The following EMSY variants were observed in gnomAD, a reference collection of about 807,000 sequenced individuals.
EMSY encodes EMSY transcriptional repressor, BRCA2 interacting, also known as BRCA2-interacting transcriptional repressor EMSY.
Under a neutral mutation model 134.6 loss-of-function variants are expected in EMSY, and 26 were observed. That is an observed-to-expected ratio of 0.19 (90% confidence interval 0.14 to 0.27). The LOEUF is 0.27. Among genes scored for constraint, EMSY ranks in the 10% least tolerant of loss-of-function variants. The pLI is 1.00. For missense variants in EMSY, 1,305 were observed against 1,611.4 expected, an observed-to-expected ratio of 0.81 and a Z score of 3.26; for synonymous variants, 579 against 577.8, an observed-to-expected ratio of 1.00 and a Z score of -0.03.
chr11:76,506,865 T>A (rs976586307), intron 9 of EMSY, among the ~76,000 whole-genome samples: 1 of 152,168 alleles, frequency 6.6e-6, no homozygotes, highest in African/African-American at 2.4e-5. Flanking sequence ...CAGATACACA[T>A]ACAAAATGAC....
chr11:76,513,472 C>T (rs2136120073), exon 10 of EMSY: 1 of 1,613,658 alleles, frequency 6.2e-7, no homozygotes, highest in Non-Finnish European at 8.5e-7. Context: ...TAGCAATTCC[C>T]CTATTATGGT....
intron 4 of EMSY, 31 bp from the exon 6 acceptor site, chr11:76,458,152 C>T (rs748841064): frequency 1.3e-6 from 2 of 1,565,888 alleles, no homozygotes; most frequent in South Asian, 1.2e-5. Flanking sequence ...TGATTGAAAA[C>T]CCTTGTAGCA....
chr11:76,536,417 G>A (rs1844025345), intron 15 of EMSY, among the ~76,000 whole-genome samples: 1 of 152,162 alleles, frequency 6.6e-6, no homozygotes. Context: ...CAGTACAGTT[G>A]CCAGTTGCAT....
At chr11:76,502,840 T>C (rs759605090) in intron 9 of EMSY, among the ~76,000 whole-genome samples, 8 of 152,148 alleles carry the variant, frequency 5.3e-5, no homozygotes, top group Non-Finnish European at 1.2e-4. Context: ...AGATTTAACA[T>C]TGTTAAGATG....
chr11:76,463,249 G>T (rs956146867), intron 6 of EMSY, among the ~76,000 whole-genome samples: 1 of 152,024 alleles, frequency 6.6e-6, no homozygotes, highest in Non-Finnish European at 1.5e-5. Context: ...CTTGAACCTG[G>T]GAGGCAGAGG....
At chr11:76,449,835 G>C (rs1432778046) in intron 2 of EMSY, among the ~76,000 whole-genome samples, 3 of 152,124 alleles carry the variant, frequency 2.0e-5, no homozygotes, top group African/African-American at 7.2e-5. Flanking sequence ...TAATCACCTT[G>C]AGGATAGGGA....
At chr11:76,539,690 G>C (rs1368587603) in intron 17 of EMSY, 50 bp downstream of exon 18, 2 of 1,568,924 alleles carry the variant, frequency 1.3e-6, no homozygotes, top group Non-Finnish European at 1.8e-6. Context: ...AAAGATGATT[G>C]TTTTGGGGGG....
intron 11 of EMSY, among the ~76,000 whole-genome samples, chr11:76,518,699 ATATATT>A (rs1232938651): frequency 1.6e-5 from 2 of 124,692 alleles, no homozygotes; most frequent in Middle Eastern, 4.0e-3. Context: ...ATATATATAT[ATATATT>A]TTTTTTTTAA....
intron 2 of EMSY, among the ~76,000 whole-genome samples, chr11:76,450,725 C>G (rs1031459131): frequency 2.0e-5 from 3 of 151,364 alleles, no homozygotes; most frequent in Admixed American, 1.3e-4. Context: ...CTCCTGAGCT[C>G]AAGCAATCCT....
At chr11:76,453,275 T>G in intron 3 of EMSY, 39 bp from the exon 4 acceptor site, 1 of 1,586,772 alleles carries the variant, frequency 6.3e-7, no homozygotes, top group Non-Finnish European at 8.6e-7. Flanking sequence ...AAGAGCTGCC[T>G]GCTTGGCAGA....
chr11:76,532,392 G>A (rs1166282510), intron 14 of EMSY, among the ~76,000 whole-genome samples: 1 of 149,770 alleles, frequency 6.7e-6, no homozygotes. Context: ...AACCTTGTGA[G>A]TGGGCCTTTT....
At chr11:76,523,167 A>G in exon 12 of EMSY, 5 of 1,610,124 alleles carry the variant, frequency 3.1e-6, no homozygotes, top group Non-Finnish European at 4.2e-6. Context: ...ACGACTACCA[A>G]AATCACTACA....
At chr11:76,489,473 C>T (rs574439115) in intron 8 of EMSY, among the ~76,000 whole-genome samples, 2 of 152,102 alleles carry the variant, frequency 1.3e-5, no homozygotes, top group African/African-American at 2.4e-5. Flanking sequence ...GATGGATTAA[C>T]CCCCTTTTCA....
chr11:76,470,868 A>G (rs985139953), intron 7 of EMSY, among the ~76,000 whole-genome samples: 13 of 152,032 alleles, frequency 8.6e-5, no homozygotes, highest in Admixed American at 1.3e-4. Context: ...TTTTAAATTT[A>G]TCAAGCTACT....
At chr11:76,459,441 G>T (rs1017723259) in intron 5 of EMSY, 1 of 154,398 alleles carries the variant, frequency 6.5e-6, no homozygotes, top group African/African-American at 2.4e-5. Context: ...TAGTTGAGTT[G>T]TTGTGCTGCT....
At chr11:76,539,672 T>C (rs1450282329) in intron 17 of EMSY, 32 bp downstream of exon 18, 3 of 1,603,790 alleles carry the variant, frequency 1.9e-6, no homozygotes, top group Non-Finnish European at 2.6e-6. Context: ...GTAGTATCAC[T>C]GAAGGTAAAA....
chr11:76,451,639 A>G (rs1176933301), intron 2 of EMSY, among the ~76,000 whole-genome samples: 3 of 152,220 alleles, frequency 2.0e-5, no homozygotes, highest in Non-Finnish European at 4.4e-5. Flanking sequence ...TTTTCTACCT[A>G]AACATTTTAT....
intron 8 of EMSY, among the ~76,000 whole-genome samples, chr11:76,488,764 C>T (rs1949296486): frequency 6.6e-6 from 1 of 152,152 alleles, no homozygotes; most frequent in Admixed American, 6.5e-5. Flanking sequence ...TTTCTTTTCA[C>T]CTTTCTCTTT....
At chr11:76,523,392 G>T in intron 12 of EMSY, 101 bp downstream of exon 13, 1 of 1,343,462 alleles carries the variant, frequency 7.4e-7, no homozygotes, top group Non-Finnish European at 1.0e-6. Context: ...ACAATAGCCA[G>T]AATGGCTTGG....
Sources: allele counts gnomAD v4.1 joint callset (sites outside exome capture counted in the v4.1 genomes callset), GRCh38; gene constraint gnomAD v4.1.1; transcripts MANE v1.5; gene names NCBI Gene and HGNC (gene_info 2026-07-23, HGNC 2026-07-21).